Variants in ESCO1 observed in about 807,000 individuals in gnomAD.
The protein encoded by ESCO1 is establishment of sister chromatid cohesion N-acetyltransferase 1.
In ESCO1, 33 loss-of-function variants were observed where a neutral mutation model predicts 83.5. That is an observed-to-expected ratio of 0.40 (90% CI 0.30 to 0.53). ESCO1 has a LOEUF of 0.53. Ranked by LOEUF, ESCO1 falls within the 20% of genes least tolerant of loss-of-function variation. The pLI, the probability that ESCO1 is intolerant of heterozygous loss-of-function variation, is 0.63. For missense variants in ESCO1, 855 were observed against 968.0 expected, an observed-to-expected ratio of 0.88 and a Z score of 1.55; for synonymous variants, 332 against 324.3, an observed-to-expected ratio of 1.02 and a Z score of -0.25.
chr18:21,565,513 T>C (rs1323029984), intron 6 of ESCO1, among the ~76,000 whole-genome samples: 1 of 152,192 alleles, frequency 6.6e-6, no homozygotes, highest in African/African-American at 2.4e-5. Context: ...TAAGCAAAGA[T>C]ACATGTGTTT....
At chr18:21,551,764 T>C (rs1205193574) in intron 8 of ESCO1, among the ~76,000 whole-genome samples, 1 of 152,224 alleles carries the variant, frequency 6.6e-6, no homozygotes, top group Non-Finnish European at 1.5e-5. Context: ...TAGTGTCGTG[T>C]GGAGCTTAGA....
chr18:21,540,151 C>T, intron 8 of ESCO1, 142 bp from the exon 9 acceptor site: 3 of 739,356 alleles, frequency 4.1e-6, no homozygotes, highest in Non-Finnish European at 6.4e-6. Flanking sequence ...CTCATTAATG[C>T]TTAATAAAGC....
intron 2 of ESCO1, among the ~76,000 whole-genome samples, chr18:21,579,921 A>G (rs2038477718): frequency 6.8e-6 from 1 of 147,222 alleles, no homozygotes; most frequent in Non-Finnish European, 1.5e-5. Flanking sequence ...TTTGAGATGG[A>G]GTCTCCCTCT....
chr18:21,581,551 C>CA (rs2038502838), intron 2 of ESCO1, among the ~76,000 whole-genome samples: 1 of 151,730 alleles, frequency 6.6e-6, no homozygotes, highest in Non-Finnish European at 1.5e-5. Context: ...GCAGAGGTTG[C>CA]AATGAGGTGA....
At chr18:21,586,321 T>C (rs560064830) in intron 1 of ESCO1, among the ~76,000 whole-genome samples, 2 of 152,352 alleles carry the variant, frequency 1.3e-5, no homozygotes, top group African/African-American at 2.4e-5. Flanking sequence ...GAACATAATG[T>C]CTTCCAGTTT....
intron 8 of ESCO1, among the ~76,000 whole-genome samples, chr18:21,553,328 C>T (rs766042829): frequency 1.3e-5 from 2 of 151,354 alleles, no homozygotes; most frequent in Non-Finnish European, 2.9e-5. Flanking sequence ...ATTTTTTGGA[C>T]TGGGCACGGT....
intron 8 of ESCO1, among the ~76,000 whole-genome samples, chr18:21,552,249 A>T (rs553590680): frequency 6.6e-6 from 1 of 152,318 alleles, no homozygotes; most frequent in South Asian, 2.1e-4. Context: ...TTATCAAGAC[A>T]GTGTGGTTGA....
chr18:21,587,965 G>A (rs1193772417), intron 1 of ESCO1, among the ~76,000 whole-genome samples: 3 of 151,788 alleles, frequency 2.0e-5, no homozygotes, highest in Admixed American at 1.3e-4. Context: ...GACACATGCC[G>A]ATAGTCCCAG....
At chr18:21,560,426 G>C (rs74405408) in intron 8 of ESCO1, among the ~76,000 whole-genome samples, 1 of 149,882 alleles carries the variant, frequency 6.7e-6, no homozygotes, top group Non-Finnish European at 1.5e-5. Flanking sequence ...ATAACAAAGA[G>C]AAGGTAAAGG....
intron 2 of ESCO1, among the ~76,000 whole-genome samples, chr18:21,579,942 C>T (rs1450328364): frequency 6.7e-6 from 1 of 150,298 alleles, no homozygotes; most frequent in Non-Finnish European, 1.5e-5. Context: ...ATTGCTCAGG[C>T]TGGAGTGCAG....
intron 1 of ESCO1, among the ~76,000 whole-genome samples, chr18:21,594,002 TGG>T (rs1042191106): frequency 3.3e-5 from 5 of 152,158 alleles, no homozygotes; most frequent in African/African-American, 1.2e-4. Context: ...TTGTTATGGG[TGG>T]GCTGTCCCGT....
At chr18:21,567,949 T>A (rs1244095588) in intron 5 of ESCO1, 31 bp downstream of exon 5, 1 of 1,534,906 alleles carries the variant, frequency 6.5e-7, no homozygotes, top group Non-Finnish European at 9.0e-7. Context: ...CTGAAGACTA[T>A]GAAATCCAAA....
At chr18:21,551,152 TAA>T (rs1480447152) in intron 8 of ESCO1, among the ~76,000 whole-genome samples, 1 of 148,566 alleles carries the variant, frequency 6.7e-6, no homozygotes, top group Non-Finnish European at 1.5e-5. Context: ...CATGTTTTTT[TAA>T]AAGACACTGA....
At chr18:21,562,759 A>G (rs9958822) in intron 7 of ESCO1, among the ~76,000 whole-genome samples, 1,660 of 152,194 alleles carry the variant, frequency 0.011, 39 homozygotes, top group African/African-American at 0.038. Context: ...ATCAATCAAA[A>G]TATCTCCTGT....
At chr18:21,578,495 T>G in intron 2 of ESCO1, among the ~76,000 whole-genome samples, 1 of 151,778 alleles carries the variant, frequency 6.6e-6, no homozygotes, top group Non-Finnish European at 1.5e-5. Flanking sequence ...AAAAAAGCAC[T>G]GGGGGAAAAA....
chr18:21,564,342 T>A (rs1180062421), intron 6 of ESCO1, 25 bp from the exon 7 acceptor site: 1 of 1,427,576 alleles, frequency 7.0e-7, no homozygotes, highest in East Asian at 2.3e-5. Context: ...AATTACTAAA[T>A]GTTACAGATC....
rs2038257986 is a variant in ESCO1 at position 21,566,225 on chromosome 18, G to A, written c.1646-19C>T. 3 of 1,609,034 alleles carry A rather than the reference G, an allele frequency of 1.9e-6. No homozygotes were observed. In the East Asian group the frequency reaches 6.7e-5, roughly 36 times the overall value. On this transcript the variant is annotated intron_variant, in intron 5 of 11. Transcript: ENST00000269214. ...GCTGAACCTGTAATTTAATCAAGAA[G>A]GTGGGTTATATATTGAGTTTTATAC...
intron 8 of ESCO1, among the ~76,000 whole-genome samples, chr18:21,550,730 A>C (rs979744120): frequency 4.6e-5 from 7 of 152,238 alleles, no homozygotes; most frequent in Non-Finnish European, 1.5e-5. Flanking sequence ...CACAATGTAC[A>C]TCTCTGGGAG....
intron 1 of ESCO1, among the ~76,000 whole-genome samples, chr18:21,594,925 CTG>C (rs35336026): frequency 0.38 from 54,309 of 143,450 alleles, 11,316 homozygotes; most frequent in Non-Finnish European, 0.48. Context: ...TCTACAACTA[CTG>C]TGTGTGTGTG....
Sources: allele counts gnomAD v4.1 joint callset (sites outside exome capture counted in the v4.1 genomes callset), GRCh38; gene constraint gnomAD v4.1.1; transcripts MANE v1.5; gene names NCBI Gene and HGNC (gene_info 2026-07-23, HGNC 2026-07-21).